The following RBPMS variants were observed in gnomAD, a reference collection of about 807,000 sequenced individuals.
RBPMS encodes RNA-binding protein with multiple splicing.
In RBPMS, 7 loss-of-function variants were observed where a neutral mutation model predicts 26.8. The observed-to-expected ratio is 0.26, with a 90% CI of 0.15 to 0.49. The LOEUF (loss-of-function observed/expected upper bound fraction) is 0.49. Among genes scored for constraint, RBPMS ranks in the 20% least tolerant of loss-of-function variants. The pLI, the probability that RBPMS is intolerant of heterozygous loss-of-function variation, is 0.98. For synonymous variants in RBPMS, 96 were observed against 93.3 expected, an observed-to-expected ratio of 1.03 and a Z score of -0.17; for missense variants, 186 against 250.0, an observed-to-expected ratio of 0.74 and a Z score of 1.73.
chr8:30,532,547 A>G (rs892496030), intron 5 of RBPMS, among the ~76,000 whole-genome samples: 2 of 152,172 alleles, frequency 1.3e-5, no homozygotes, highest in East Asian at 1.9e-4. Flanking sequence ...AAGTTATCCA[A>G]TGTTGCACAG....
At chr8:30,538,285 C>T (rs1417870571) in intron 5 of RBPMS, among the ~76,000 whole-genome samples, 2 of 151,884 alleles carry the variant, frequency 1.3e-5, no homozygotes, top group Non-Finnish European at 2.9e-5. Context: ...GACAGAGTCT[C>T]GCTCTGTCGC....
intron 5 of RBPMS, among the ~76,000 whole-genome samples, chr8:30,530,496 CTT>C (rs1432154873): frequency 6.6e-6 from 1 of 152,058 alleles, no homozygotes; most frequent in Non-Finnish European, 1.5e-5. Context: ...GAGTTTCGCT[CTT>C]GTTGCCCAGG....
intron 8 of RBPMS, among the ~76,000 whole-genome samples, chr8:30,567,437 A>G (rs2151097134): frequency 6.6e-6 from 1 of 152,226 alleles, no homozygotes; most frequent in East Asian, 1.9e-4. Context: ...CTTTTTTCAC[A>G]TCACATAGGG....
At chr8:30,486,458 C>G (rs1285164093) in intron 4 of RBPMS, among the ~76,000 whole-genome samples, 1 of 146,994 alleles carries the variant, frequency 6.8e-6, no homozygotes, top group African/African-American at 2.6e-5. Flanking sequence ...CCCGTCTCTA[C>G]TAAAAGTACA....
intron 1 of RBPMS, among the ~76,000 whole-genome samples, chr8:30,409,298 A>G (rs889897572): frequency 1.1e-4 from 16 of 151,974 alleles, no homozygotes; most frequent in African/African-American, 3.9e-4. Flanking sequence ...GGTTCAAGCA[A>G]TTCTACTGCC....
intron 3 of RBPMS, among the ~76,000 whole-genome samples, chr8:30,478,569 G>A (rs372732706): frequency 1.1e-4 from 17 of 149,734 alleles, no homozygotes; most frequent in Admixed American, 1.3e-4. Context: ...GCGCGATCTC[G>A]GCTCACTGCA....
Position 30,416,421 on chromosome 8 carries a change from TC to T in RBPMS, c.66+31266del, listed in dbSNP as rs1245463137. Among the ~76,000 whole-genome samples the T allele has an allele frequency of 1.1e-4, 16 of 152,070 alleles. No individual in the cohort carries two copies. The South Asian group carries it at 1.5e-3, about 14-fold the overall frequency. ...ATCTCTGCCCACTGCAACCTCTGCC[TC>T]CCGGGTTCAAGCCATTATTATGTCT... On this transcript the variant is annotated intron_variant, in intron 1 of 8. Transcript: ENST00000397323.
intron 4 of RBPMS, among the ~76,000 whole-genome samples, chr8:30,490,708 GC>G (rs1819298530): frequency 6.6e-6 from 1 of 152,070 alleles, no homozygotes; most frequent in Non-Finnish European, 1.5e-5. Context: ...CTCGTGATGC[GC>G]CCACCTCGGC....
intron 5 of RBPMS, among the ~76,000 whole-genome samples, chr8:30,529,790 G>A (rs1158038181): frequency 7.0e-6 from 1 of 141,950 alleles, no homozygotes; most frequent in African/African-American, 2.7e-5. Flanking sequence ...ATTTACTCTT[G>A]TTGCCCAGGC....
intron 1 of RBPMS, among the ~76,000 whole-genome samples, chr8:30,471,455 A>G (rs1296003771): frequency 6.6e-6 from 1 of 152,230 alleles, no homozygotes; most frequent in Admixed American, 6.5e-5. Flanking sequence ...ATTCTAATTC[A>G]TATTTATCAC....
chr8:30,443,325 T>A (rs1387530170), intron 1 of RBPMS, among the ~76,000 whole-genome samples: 1 of 152,184 alleles, frequency 6.6e-6, no homozygotes, highest in Non-Finnish European at 1.5e-5. Flanking sequence ...TAAAAAAAAA[T>A]TAAAAACCTT....
At chr8:30,417,729 C>A (rs183825075) in intron 1 of RBPMS, among the ~76,000 whole-genome samples, 4 of 147,464 alleles carry the variant, frequency 2.7e-5, no homozygotes, top group East Asian at 3.9e-4. Flanking sequence ...TTTAACTTGA[C>A]GTTAAAGTTT....
At chr8:30,555,529 C>T (rs1563447055) in intron 6 of RBPMS, among the ~76,000 whole-genome samples, 4 of 152,172 alleles carry the variant, frequency 2.6e-5, no homozygotes. Flanking sequence ...GTGTGCAAGA[C>T]TGTGAGTGTG....
At chr8:30,560,285 C>T (rs894995550) in intron 7 of RBPMS, among the ~76,000 whole-genome samples, 8 of 152,056 alleles carry the variant, frequency 5.3e-5, no homozygotes, top group African/African-American at 1.2e-4. Flanking sequence ...CGCAGGAGGC[C>T]GGCCCTTTTG....
At chr8:30,385,661 A>C (rs953231869) in intron 1 of RBPMS, among the ~76,000 whole-genome samples, 3 of 152,108 alleles carry the variant, frequency 2.0e-5, no homozygotes, top group African/African-American at 7.2e-5. Flanking sequence ...TTTTTGGATT[A>C]ATAGATAACT....
At chr8:30,392,912 CA>C (rs1247409485) in intron 1 of RBPMS, among the ~76,000 whole-genome samples, 1 of 152,118 alleles carries the variant, frequency 6.6e-6, no homozygotes, top group Non-Finnish European at 1.5e-5. Flanking sequence ...ATTTTCAGAA[CA>C]ATTCAAGAAC....
chr8:30,438,683 ATAT>A (rs1468546905), intron 1 of RBPMS, among the ~76,000 whole-genome samples: 1 of 152,220 alleles, frequency 6.6e-6, no homozygotes, highest in Non-Finnish European at 1.5e-5. Context: ...TGCAATAATG[ATAT>A]TATTAGATAG....
intron 4 of RBPMS, among the ~76,000 whole-genome samples, chr8:30,499,164 G>A (rs986581883): frequency 1.3e-5 from 2 of 152,176 alleles, no homozygotes; most frequent in Admixed American, 6.5e-5. Flanking sequence ...CTACTCGGGA[G>A]GCTGAGGCAG....
intron 5 of RBPMS, among the ~76,000 whole-genome samples, chr8:30,505,788 G>A (rs1448828467): frequency 6.6e-6 from 1 of 152,032 alleles, no homozygotes; most frequent in African/African-American, 2.4e-5. Flanking sequence ...CTGAAATTGG[G>A]CTACTTGTAG....
Sources: gnomAD v4.1 joint callset for allele counts (sites outside exome capture counted in the v4.1 genomes callset) on GRCh38, gnomAD v4.1.1 for gene constraint, MANE v1.5 for transcripts, NCBI Gene and HGNC (gene_info 2026-07-23, HGNC 2026-07-21) for gene names.